The following UTRN variants were observed in gnomAD, a reference collection of about 807,000 sequenced individuals.
UTRN encodes the protein dystrophin-related protein 1.
Under a neutral mutation model 463.9 loss-of-function variants are expected in UTRN, and 283 were observed. That is an observed-to-expected ratio of 0.61 (90% confidence interval 0.55 to 0.67). UTRN has a LOEUF of 0.67. UTRN is among the 30% of genes least tolerant of loss of function. The pLI, the probability that UTRN is intolerant of heterozygous loss-of-function variation, is 0.00. For missense variants in UTRN, 3,922 were observed against 4,084.3 expected, an observed-to-expected ratio of 0.96 and a Z score of 1.08; for synonymous variants, 1,442 against 1,431.5, an observed-to-expected ratio of 1.01 and a Z score of -0.17.
chr6:144,292,008 G>A (rs1272066956), intron 2 of UTRN, 101 bp downstream of exon 2: 2 of 1,172,190 alleles, frequency 1.7e-6, no homozygotes, highest in Admixed American at 3.1e-5. Flanking sequence ...CTTCTTGGAG[G>A]TGAAGTTCTT....
chr6:144,571,003 A>G (rs923351124), intron 50 of UTRN, among the ~76,000 whole-genome samples: 1 of 152,194 alleles, frequency 6.6e-6, no homozygotes, highest in Non-Finnish European at 1.5e-5. Flanking sequence ...ATAACCTATT[A>G]TGTGCATATG....
In UTRN at chr6:144,469,483, C is replaced by G. The variant is rs887024135; in HGVS notation, c.3067-4237C>G. 5.3e-5 allele frequency among the ~76,000 whole-genome samples: 8 copies of G among 152,202 alleles called. No individual in the cohort carries two copies. In the East Asian group the frequency reaches 1.5e-3, roughly 29 times the overall value. On this transcript the variant is annotated intron_variant, in intron 23 of 74. Coordinates refer to ENST00000367545, the MANE Select transcript of UTRN (RefSeq NM_007124.3). ...AAGGCTCAAAGAAAAATTAGTTTCT[C>G]AAGGCCCCATGGCTAGGCAGGTGCT...
intron 51 of UTRN, among the ~76,000 whole-genome samples, chr6:144,670,551 G>A (rs1031011415): frequency 2.0e-5 from 3 of 151,986 alleles, no homozygotes; most frequent in Non-Finnish European, 4.4e-5. Context: ...TGCATAGTTT[G>A]TGAATATTTT....
chr6:144,520,186 G>A (rs1171347867), intron 39 of UTRN, among the ~76,000 whole-genome samples: 3 of 152,180 alleles, frequency 2.0e-5, no homozygotes, highest in African/African-American at 4.8e-5. Context: ...ACTCAACCTA[G>A]AAATACTTTC....
rs149845606 is a variant in UTRN, at chr6:144,586,675, G to A, written c.7479+9387G>A. 9.0e-3 allele frequency among the ~76,000 whole-genome samples: 1,362 copies of A among 152,126 alleles called. 8 individuals carry two copies. Among genetic ancestry groups the A allele is most frequent in the Middle Eastern group, 0.024 (7 of 294 alleles). ...TAATGTTAAATCAGAAGAGATTTTT[G>A]TAAGTCCTCCTTATTTTTTTCTTAG... On this transcript the variant is annotated intron_variant, in intron 51 of 74. Transcript: ENST00000367545.
chr6:144,344,522 T>G (rs1429448963), intron 2 of UTRN, among the ~76,000 whole-genome samples: 4 of 152,236 alleles, frequency 2.6e-5, no homozygotes, highest in Non-Finnish European at 4.4e-5. Context: ...CAGGAAGTGA[T>G]AATTCACCAG....
At chr6:144,370,700 A>G (rs995178128) in intron 2 of UTRN, among the ~76,000 whole-genome samples, 1 of 152,108 alleles carries the variant, frequency 6.6e-6, no homozygotes, top group Admixed American at 6.5e-5. Context: ...AGCCACAGAC[A>G]ATGCCAGCCC....
intron 2 of UTRN, among the ~76,000 whole-genome samples, chr6:144,359,327 A>G (rs190008301): frequency 3.3e-5 from 5 of 152,354 alleles, no homozygotes; most frequent in Admixed American, 1.3e-4. Flanking sequence ...AACCACTCCC[A>G]GCTGAGAACC....
At chr6:144,470,744 A>C (rs1028825778) in intron 23 of UTRN, among the ~76,000 whole-genome samples, 1 of 151,976 alleles carries the variant, frequency 6.6e-6, no homozygotes, top group Middle Eastern at 3.2e-3. Flanking sequence ...AACATTGAGC[A>C]CTGAGTGAGT....
At chr6:144,691,484 CATTT>C (rs1783412704) in intron 52 of UTRN, among the ~76,000 whole-genome samples, 1 of 139,088 alleles carries the variant, frequency 7.2e-6, no homozygotes, top group Non-Finnish European at 1.5e-5. Context: ...AGCTTTTAAA[CATTT>C]ATTCCTTTTT....
intron 51 of UTRN, among the ~76,000 whole-genome samples, chr6:144,657,189 G>A (rs1779398990): frequency 6.7e-6 from 1 of 149,092 alleles, no homozygotes; most frequent in Non-Finnish European, 1.5e-5. Flanking sequence ...GGTGGAGGTT[G>A]CGCTGAGCTG....
rs1355207146 is a variant in UTRN at position 144,503,107 on chromosome 6, T to C, written c.4764+3680T>C. ...ACTTTTTGATGGAGTTGTTTGTTTT[T>C]TTCTTGTAAATTTGTTGAATTTCCT... On this transcript the variant is annotated intron_variant, in intron 34 of 74. Transcript: ENST00000367545. Among the ~76,000 whole-genome samples the C allele has an allele frequency of 2.0e-5, 3 of 152,356 alleles. No homozygotes were observed. The East Asian group carries it at 5.8e-4, about 29-fold the overall frequency.
rs117001934 is a variant in UTRN at position 144,836,907 on chromosome 6, C to T, written c.10065+366C>T. 1.4e-3 allele frequency among the ~76,000 whole-genome samples: 219 copies of T among 152,238 alleles called. 1 individual carries two copies. Among genetic ancestry groups the T allele is most frequent in the Non-Finnish European group, 2.5e-3 (172 of 68,014 alleles). On this transcript the variant is annotated intron_variant, in intron 71 of 74. Transcript: ENST00000367545. ...GAAATCGGCATTCTAAAGCTTTCTTCCAGTGAGACAAGAATGCTGACTCCA... is the reference window on the plus strand; with the variant it reads ...GAAATCGGCATTCTAAAGCTTTCTTTCAGTGAGACAAGAATGCTGACTCCA...
chr6:144,823,021 A>G (rs1779735491), intron 66 of UTRN, among the ~76,000 whole-genome samples: 1 of 152,112 alleles, frequency 6.6e-6, no homozygotes, highest in Admixed American at 6.6e-5. Flanking sequence ...CAAAATAATC[A>G]TTGGTGTCAG....
intron 2 of UTRN, among the ~76,000 whole-genome samples, chr6:144,294,907 A>G (rs973934218): frequency 8.5e-5 from 13 of 152,182 alleles, no homozygotes; most frequent in African/African-American, 2.7e-4. Context: ...GTATTTATTT[A>G]TGGTTGTAGT....
chr6:144,785,455 C>G (rs948476953), intron 61 of UTRN, among the ~76,000 whole-genome samples: 1 of 152,250 alleles, frequency 6.6e-6, no homozygotes, highest in Non-Finnish European at 1.5e-5. Context: ...GCATATTAGT[C>G]ATAATTAAAG....
intron 51 of UTRN, among the ~76,000 whole-genome samples, chr6:144,651,193 A>G (rs1778786280): frequency 6.6e-6 from 1 of 152,056 alleles, no homozygotes; most frequent in South Asian, 2.1e-4. Flanking sequence ...TTTGATATAT[A>G]TGAAAACTAG....
At chr6:144,829,004 CT>C (rs1443048069) in intron 69 of UTRN, 149 bp downstream of exon 69, 2 of 804,974 alleles carry the variant, frequency 2.5e-6, no homozygotes, top group East Asian at 5.3e-5. Flanking sequence ...AGATTTTATG[CT>C]TTCAAACCAT....
chr6:144,438,185 G>C (rs1217079094), intron 11 of UTRN, among the ~76,000 whole-genome samples: 1 of 152,184 alleles, frequency 6.6e-6, no homozygotes, highest in Non-Finnish European at 1.5e-5. Flanking sequence ...AGGATCGCTT[G>C]AACTCAGGAG....
Sources: allele counts gnomAD v4.1 joint callset (sites outside exome capture counted in the v4.1 genomes callset), GRCh38; gene constraint gnomAD v4.1.1; transcripts MANE v1.5; gene names NCBI Gene and HGNC (gene_info 2026-07-23, HGNC 2026-07-21).